Variants in ZNF202 observed in about 807,000 individuals in gnomAD.
ZNF202 encodes zinc finger protein 202, also known as zinc finger protein with KRAB and SCAN domains 10.
A neutral mutation model predicts 54.5 loss-of-function variants in ZNF202; 22 were observed. The observed-to-expected ratio is 0.40, with a 90% confidence interval of 0.29 to 0.58. ZNF202 has a LOEUF of 0.58. ZNF202 is among the 20% of genes least tolerant of loss of function. The pLI is 0.39. For missense variants in ZNF202, 644 were observed against 805.5 expected, an observed-to-expected ratio of 0.80 and a Z score of 2.43; for synonymous variants, 294 against 301.4, an observed-to-expected ratio of 0.98 and a Z score of 0.26.
At chr11:123,737,213 G>A (rs1227088945) in intron 3 of ZNF202, among the ~76,000 whole-genome samples, 1 of 151,920 alleles carries the variant, frequency 6.6e-6, no homozygotes, top group Non-Finnish European at 1.5e-5. Context: ...CCTGTAACTG[G>A]CAGGAGACAA....
rs886870735 is a variant in ZNF202 at position 123,726,543 on chromosome 11, A to C, written c.1401T>G (p.Pro467=). Residue 467 remains proline (P), a synonymous_variant, in exon 9 of 9, where the codon CCT becomes CCG. Transcript: ENST00000530393. The surrounding 1 kb of genome is among the most constrained non-coding windows in gnomAD (Gnocchi z 6.0). ...LNRKNLEETS[P]VTQAERTPSV... ...ATGGAGTTCTCTCAGCCTGTGTCAC[A>C]GGGGAGGTCTCTTCCAAATTCTTCC... 6.2e-7 allele frequency: 1 copy of C among 1,614,226 alleles called. No homozygotes were observed. The highest frequency in any genetic ancestry group is 1.7e-5 in the Admixed American group (1 of 60,024).
Position 123,729,225 on chromosome 11 carries a change from A to C in ZNF202, c.614-11T>G, listed in dbSNP as rs779397275. ...CGGGCACTGGGACCTCTATGAAGAA[A>C]AGAAGGCAAAGATCAGTAATATGCA... On this transcript the variant is annotated splice_polypyrimidine_tract_variant and intron_variant, in intron 5 of 8. Coordinates refer to ENST00000530393, the MANE Select transcript of ZNF202 (RefSeq NM_003455.4). The C allele has an allele frequency of 6.2e-7, 1 of 1,611,098 alleles. No individual in the cohort carries two copies. Among genetic ancestry groups the C allele is most frequent in the Non-Finnish European group, 8.5e-7 (1 of 1,179,444 alleles).
At position 123,730,421 on chromosome 11, in the gene ZNF202, G is replaced by A. The variant is rs1335853034; in HGVS notation, c.402+66C>T. On this transcript the variant is annotated intron_variant, in intron 4 of 8. Coordinates refer to ENST00000530393, the MANE Select transcript of ZNF202 (RefSeq NM_003455.4). This position sits in a 1 kb window ranked among gnomAD's most constrained non-coding sequence, Gnocchi z 6.0. Reference sequence around the variant, plus strand: ...TATGGGGATCCTGCAAGCTCTCCCCGCAAATCCAGCCTTCCAGCAAATAGT... The same window carrying A: ...TATGGGGATCCTGCAAGCTCTCCCCACAAATCCAGCCTTCCAGCAAATAGT... 1.3e-5 allele frequency: 19 copies of A among 1,479,670 alleles called. No homozygotes were observed. The highest frequency in any genetic ancestry group is 3.6e-4 in the Middle Eastern group (2 of 5,534). The allele number at this position is 1,479,670 out of a possible 1,614,324, so 91.7% of individuals were successfully genotyped here.
chr11:123,728,245 C>G lies in ZNF202; in HGVS notation c.720G>C (p.Lys240Asn). ...CCTGGGAAAAGCATACGGCCACATC[C>G]TTGAACGTTACCAGTCCCTGAAACC... ...TALSQGLVTF[K>N]DVAVCFSQDQ... Residue 240 changes from lysine (K) to asparagine (N), a missense_variant, in exon 7 of 9, where the codon AAG (lysine) becomes AAC (asparagine). Around this residue, in one of 3 missense-constraint regions of ZNF202, gnomAD observed 536 missense variants for 635.3 expected, o/e 0.84. Transcript: ENST00000530393. 6.2e-7 allele frequency: 1 copy of G among 1,611,278 alleles called. No homozygotes were observed. Among genetic ancestry groups the G allele is most frequent in the African/African-American group, 1.3e-5 (1 of 74,984 alleles).
intron 3 of ZNF202, among the ~76,000 whole-genome samples, chr11:123,733,487 C>G (rs1861500484): frequency 1.3e-5 from 2 of 152,022 alleles, no homozygotes; most frequent in African/African-American, 4.8e-5. Flanking sequence ...GTCCTGAGAG[C>G]CCTGGATTTA....
At chr11:123,741,241 G>C (rs1861852765) in intron 1 of ZNF202, among the ~76,000 whole-genome samples, 1 of 152,146 alleles carries the variant, frequency 6.6e-6, no homozygotes, top group South Asian at 2.1e-4. Flanking sequence ...ACGAGGTACG[G>C]ACTAACTACA....
At chr11:123,739,153 T>G (rs1158273345) in intron 3 of ZNF202, among the ~76,000 whole-genome samples, 1 of 152,212 alleles carries the variant, frequency 6.6e-6, no homozygotes, top group Non-Finnish European at 1.5e-5. Flanking sequence ...CACTGAAAAT[T>G]CAGAAATCAG....
At chr11:123,727,876 A>G (rs947266631) in intron 7 of ZNF202, among the ~76,000 whole-genome samples, 6 of 152,178 alleles carry the variant, frequency 3.9e-5, no homozygotes, top group Non-Finnish European at 8.8e-5. Context: ...TTTAAAACTC[A>G]TGTGCTTACT....
In ZNF202 at chr11:123,734,008, C is replaced by T. The variant is rs138268828; in HGVS notation, c.-97-3023G>A. ...CTTATTTTGGTTTGGAATCTCACTG[C>T]GCCATGGTAAAGTCAGCTTATACTT... On this transcript the variant is annotated intron_variant, in intron 3 of 8. Transcript: ENST00000530393. 1.2e-3 allele frequency among the ~76,000 whole-genome samples: 177 copies of T among 152,256 alleles called. 2 individuals are homozygous for T. Among genetic ancestry groups the T allele is most frequent in the East Asian group, 5.8e-3 (30 of 5,174 alleles).
rs1387704066 is a variant in ZNF202 at position 123,724,198 on chromosome 11, A to G, written c.*1799T>C. On this transcript the variant is annotated 3_prime_UTR_variant, in exon 9 of 9. Coordinates refer to ENST00000530393, the MANE Select transcript of ZNF202 (RefSeq NM_003455.4). Reference sequence around the variant, plus strand: ...GCATATGTTTCACCGGACTCTGCTAATCATCCCAACCCTTCCTTTCCTCAA... The same window carrying G: ...GCATATGTTTCACCGGACTCTGCTAGTCATCCCAACCCTTCCTTTCCTCAA... 1.3e-5 allele frequency: 2 copies of G among 152,188 alleles called. No homozygotes were observed. The highest frequency in any genetic ancestry group is 2.9e-5 in the Non-Finnish European group (2 of 68,028). 9.4% of individuals were successfully genotyped at this position (152,188 alleles called of 1,614,324 possible). A position where few individuals can be genotyped will look rare whatever the true frequency, so the allele number is the denominator to read the frequency against.
At chr11:123,729,040 G>A in intron 6 of ZNF202, 86 bp downstream of exon 6, 2 of 1,346,932 alleles carry the variant, frequency 1.5e-6, no homozygotes, top group Non-Finnish European at 2.1e-6. Flanking sequence ...GTGTAAATGT[G>A]CATCCTGCTT....
rs906305507 is a variant in ZNF202, at chr11:123,725,816, G to C, written c.*181C>G. The C allele has an allele frequency of 2.9e-6, 2 of 686,484 alleles. No individual in the cohort carries two copies. Among genetic ancestry groups the C allele is most frequent in the South Asian group, 2.2e-5 (1 of 45,788 alleles). 42.5% of individuals were successfully genotyped at this position (686,484 alleles called of 1,614,324 possible). ...GGATGAAACATCCCCTCAAGGCGTA[G>C]AGGAAGGCTGAGAGGTTCTGCCCAG... On this transcript the variant is annotated 3_prime_UTR_variant, in exon 9 of 9. Transcript: ENST00000530393.
chr11:123,726,533 C>T lies in ZNF202; in HGVS notation c.1411G>A (p.Ala471Thr), dbSNP rs752595458. ...TTCTCCACTGATGGAGTTCTCTCAGCCTGTGTCACAGGGGAGGTCTCTTCC... is the reference window on the plus strand; with the variant it reads ...TTCTCCACTGATGGAGTTCTCTCAGTCTGTGTCACAGGGGAGGTCTCTTCC... The part of the protein sequence containing the change: ...NLEETSPVTQ[A>T]ERTPSVEKPY... The change falls in exon 9 of 9, where the codon GCT becomes ACT. Residue 471 changes from alanine (A) to threonine (T), a missense_variant. Ala to Thr is a moderately conservative substitution (Grantham distance 58). This residue lies in a region of ZNF202 where 536 missense variants were observed against 635.3 expected (regional missense o/e 0.84). Transcript: ENST00000530393. The surrounding 1 kb of genome is among the most constrained non-coding windows in gnomAD (Gnocchi z 6.0). The T allele has an allele frequency of 2.5e-6, 4 of 1,614,230 alleles. No individual in the cohort carries two copies. The South Asian group carries it at 3.3e-5, about 13-fold the overall frequency.
intron 3 of ZNF202, among the ~76,000 whole-genome samples, chr11:123,732,496 T>A (rs1225191936): frequency 6.6e-6 from 1 of 152,196 alleles, no homozygotes; most frequent in Non-Finnish European, 1.5e-5. Context: ...TTATCCTTGG[T>A]TAGGTTAAAC....
intron 3 of ZNF202, among the ~76,000 whole-genome samples, chr11:123,735,399 C>T (rs1861589376): frequency 6.6e-6 from 1 of 152,130 alleles, no homozygotes; most frequent in Non-Finnish European, 1.5e-5. Flanking sequence ...ACCAAACTTG[C>T]CATTTAAAAA....
chr11:123,727,746 C>T, intron 7 of ZNF202, 151 bp from the exon 8 acceptor site: 1 of 1,092,736 alleles, frequency 9.2e-7, no homozygotes, highest in Non-Finnish European at 1.3e-6. Context: ...GTACTTTTAA[C>T]CAAGGACTGC....
intron 1 of ZNF202, among the ~76,000 whole-genome samples, chr11:123,740,979 G>A (rs551731119): frequency 5.3e-5 from 8 of 152,068 alleles, no homozygotes; most frequent in African/African-American, 1.9e-4. Context: ...AAAAGCCTCT[G>A]GCCAAATGGA....
Position 123,724,573 on chromosome 11 carries a change from CT to C in ZNF202, c.*1423del. ...GGCACAGAAGACTCTCCCTGTCATG[CT>C]TTAACCCCATACCCTGTGCTCCACT... is the stretch of plus-strand genomic sequence containing the variant. On this transcript the variant is annotated 3_prime_UTR_variant, in exon 9 of 9. Coordinates refer to ENST00000530393, the MANE Select transcript of ZNF202 (RefSeq NM_003455.4). 6.6e-6 allele frequency: 1 copy of C among 152,322 alleles called. No individual in the cohort carries two copies. Among genetic ancestry groups the C allele is most frequent in the Non-Finnish European group, 1.5e-5 (1 of 68,052 alleles). The allele number at this position is 152,322 out of a possible 1,614,324, so 9.4% of individuals were successfully genotyped here.
chr11:123,728,778 AC>A (rs1294185547), intron 6 of ZNF202, among the ~76,000 whole-genome samples: 1 of 152,116 alleles, frequency 6.6e-6, no homozygotes, highest in African/African-American at 2.4e-5. Context: ...TCTCAGCAGT[AC>A]AGTCTGTCAT....
Sources: gnomAD v4.1 joint callset for allele counts (sites outside exome capture counted in the v4.1 genomes callset) on GRCh38, gnomAD v4.1.1 for gene constraint, gnomAD v4.1.1 regional missense constraint, Gnocchi (gnomAD v3.1) non-coding constraint, MANE v1.5 for transcripts, NCBI Gene and HGNC (gene_info 2026-07-23, HGNC 2026-07-21) for gene names.